The following FBXL17 variants were observed in gnomAD, a reference collection of about 807,000 sequenced individuals.
FBXL17 encodes the protein F-box and leucine rich repeat protein 17.
In FBXL17, 22 loss-of-function variants were observed where a neutral mutation model predicts 66.2. The ratio of observed to expected loss-of-function variants is 0.33; its 90% CI spans 0.24 to 0.47. The LOEUF (loss-of-function observed/expected upper bound fraction) is 0.47, where lower values mean the gene tolerates loss of function less well. Among genes scored for constraint, FBXL17 ranks in the 20% least tolerant of loss-of-function variants. The probability of loss-of-function intolerance (pLI) is 1.00; values close to 1 mark genes in which losing one functional copy is unlikely to be tolerated. For synonymous variants in FBXL17, 474 were observed against 400.5 expected (o/e 1.18, Z -2.19); for missense variants, 878 against 948.2 (o/e 0.93, Z 0.97).
chr5:108,364,712 A>G, intron 3 of FBXL17, 26 bp downstream of exon 3: 4 of 1,558,684 alleles, frequency 2.6e-6, no homozygotes, highest in Non-Finnish European at 3.5e-6. Context: ...TTCAAGTAAA[A>G]TCACTTTATA....
At chr5:108,021,140 G>T in intron 6 of FBXL17, 139 bp from the exon 7 acceptor site, 1 of 562,806 alleles carries the variant, frequency 1.8e-6, no homozygotes. Flanking sequence ...TATATTCCCT[G>T]CTTTAAAGTC....
chr5:107,937,056 G>A (rs549033448), intron 7 of FBXL17, among the ~76,000 whole-genome samples: 2 of 152,000 alleles, frequency 1.3e-5, no homozygotes, highest in Admixed American at 1.3e-4. Flanking sequence ...AATGGCTAAT[G>A]TCAGCCTTGA....
At chr5:108,246,335 A>G (rs892155293) in intron 4 of FBXL17, among the ~76,000 whole-genome samples, 1 of 152,104 alleles carries the variant, frequency 6.6e-6, no homozygotes, top group Non-Finnish European at 1.5e-5. Context: ...ACCCTGTCTC[A>G]AAAGTAAATA....
intron 6 of FBXL17, among the ~76,000 whole-genome samples, chr5:108,042,710 T>G (rs1232620863): frequency 6.6e-6 from 1 of 152,246 alleles, no homozygotes; most frequent in Admixed American, 6.5e-5. Flanking sequence ...ATAAAGCTTC[T>G]ATAAATATTT....
At chr5:108,191,315 C>T (rs1227265345) in intron 5 of FBXL17, among the ~76,000 whole-genome samples, 2 of 152,286 alleles carry the variant, frequency 1.3e-5, no homozygotes, top group African/African-American at 4.8e-5. Flanking sequence ...CATCTCTTGC[C>T]TTCCTTCATT....
chr5:108,043,751 A>C (rs1379876007), intron 6 of FBXL17, among the ~76,000 whole-genome samples: 5 of 152,192 alleles, frequency 3.3e-5, no homozygotes, highest in Admixed American at 3.3e-4. Context: ...TCTACAAAAA[A>C]CTTTCTGAGA....
chr5:107,992,331 A>C (rs1041803725), intron 7 of FBXL17, among the ~76,000 whole-genome samples: 1 of 152,218 alleles, frequency 6.6e-6, no homozygotes, highest in Non-Finnish European at 1.5e-5. Context: ...TGAAAAGTAT[A>C]GTATTAAACA....
intron 4 of FBXL17, among the ~76,000 whole-genome samples, chr5:108,224,528 T>TAC (rs138044828): frequency 0.17 from 25,112 of 147,150 alleles, 2,119 homozygotes; most frequent in African/African-American, 0.22. Flanking sequence ...TGTATATGTA[T>TAC]ACACACACAC....
At chr5:108,182,788 G>A (rs1753059420) in intron 6 of FBXL17, among the ~76,000 whole-genome samples, 1 of 152,112 alleles carries the variant, frequency 6.6e-6, no homozygotes, top group African/African-American at 2.4e-5. Context: ...ATTTTCATTT[G>A]TAAATTACCC....
At chr5:108,076,868 G>C (rs1748573206) in intron 6 of FBXL17, among the ~76,000 whole-genome samples, 1 of 152,106 alleles carries the variant, frequency 6.6e-6, no homozygotes, top group Non-Finnish European at 1.5e-5. Context: ...TTTTACTCAG[G>C]CTTTGACTGG....
chr5:108,095,101 A>C (rs1749320642), intron 6 of FBXL17, among the ~76,000 whole-genome samples: 1 of 152,070 alleles, frequency 6.6e-6, no homozygotes, highest in Non-Finnish European at 1.5e-5. Flanking sequence ...CATTTACAAC[A>C]TTCATTTAAA....
intron 8 of FBXL17, among the ~76,000 whole-genome samples, chr5:107,867,940 T>C (rs1433822209): frequency 6.6e-6 from 1 of 152,248 alleles, no homozygotes; most frequent in African/African-American, 2.4e-5. Context: ...CTCTTCAGCA[T>C]GGTTTATTTT....
At chr5:108,195,257 G>A (rs1371501083) in intron 5 of FBXL17, among the ~76,000 whole-genome samples, 2 of 151,916 alleles carry the variant, frequency 1.3e-5, no homozygotes, top group African/African-American at 4.8e-5. Flanking sequence ...AGAGAGGGAG[G>A]GAAGATGGGT....
chr5:107,946,499 G>A (rs1251270047), intron 7 of FBXL17, among the ~76,000 whole-genome samples: 2 of 146,388 alleles, frequency 1.4e-5, no homozygotes, highest in Admixed American at 1.4e-4. Flanking sequence ...TAGAGATGAG[G>A]TCTCAAACTG....
chr5:108,365,059 T>A, intron 2 of FBXL17, 64 bp from the exon 3 acceptor site: 1 of 1,175,762 alleles, frequency 8.5e-7, no homozygotes, highest in Non-Finnish European at 1.2e-6. Flanking sequence ...TTCCATTTTT[T>A]AATTAAATGT....
At chr5:108,171,149 T>G (rs1416401980) in intron 6 of FBXL17, among the ~76,000 whole-genome samples, 1 of 152,204 alleles carries the variant, frequency 6.6e-6, no homozygotes, top group Non-Finnish European at 1.5e-5. Context: ...TACTCAAGAT[T>G]AAATAGCAGT....
intron 6 of FBXL17, among the ~76,000 whole-genome samples, chr5:108,071,411 G>A (rs1373924098): frequency 6.6e-6 from 1 of 152,184 alleles, no homozygotes; most frequent in Non-Finnish European, 1.5e-5. Flanking sequence ...CTTGAAATTA[G>A]AAAGAAAAAT....
chr5:108,157,866 C>T (rs986874600), intron 6 of FBXL17, among the ~76,000 whole-genome samples: 11 of 152,008 alleles, frequency 7.2e-5, no homozygotes, highest in Non-Finnish European at 1.2e-4. Flanking sequence ...CCTAACTTCC[C>T]AGACAATGGT....
At chr5:108,250,415 G>T (rs567556850) in intron 4 of FBXL17, among the ~76,000 whole-genome samples, 7 of 151,998 alleles carry the variant, frequency 4.6e-5, no homozygotes, top group Non-Finnish European at 1.0e-4. Context: ...AAACTAACAA[G>T]GCAATAAATA....
Sources: allele counts gnomAD v4.1 joint callset (sites outside exome capture counted in the v4.1 genomes callset), GRCh38; gene constraint gnomAD v4.1.1; transcripts MANE v1.5; gene names NCBI Gene and HGNC (gene_info 2026-07-23, HGNC 2026-07-21).